TMEM132B: variants seen among roughly 807,000 people sequenced by gnomAD.
The protein encoded by TMEM132B is transmembrane protein 132B.
A neutral mutation model predicts 90.8 loss-of-function variants in TMEM132B; 18 were observed. The observed-to-expected ratio is 0.20, with a 90% CI of 0.14 to 0.29. The LOEUF is 0.29. Ranked by LOEUF, TMEM132B falls within the 10% of genes least tolerant of loss-of-function variation. The pLI is 1.00. For synonymous variants in TMEM132B, 504 were observed against 523.3 expected (o/e 0.96, Z 0.50); for missense variants, 1,096 against 1,326.8 (o/e 0.83, Z 2.70).
chr12:125,417,826 T>C (rs424782), intron 3 of TMEM132B, among the ~76,000 whole-genome samples: 3,395 of 152,308 alleles, frequency 0.022, 129 homozygotes, highest in African/African-American at 0.078. Context: ...CACGTCCCAG[T>C]GCTGGTCACC....
At chr12:125,362,348 T>C (rs896171430) in intron 2 of TMEM132B, among the ~76,000 whole-genome samples, 2 of 152,220 alleles carry the variant, frequency 1.3e-5, no homozygotes, top group South Asian at 4.1e-4. Flanking sequence ...TTGTTTCTTT[T>C]AGGAAGTCTA....
At chr12:125,575,822 T>C (rs769766380) in intron 4 of TMEM132B, among the ~76,000 whole-genome samples, 16 of 152,096 alleles carry the variant, frequency 1.1e-4, no homozygotes, top group Non-Finnish European at 2.4e-4. Flanking sequence ...AAAACTATTC[T>C]TTCACCATTG....
intron 1 of TMEM132B, among the ~76,000 whole-genome samples, chr12:125,267,452 G>A (rs901189087): frequency 7.2e-5 from 11 of 152,186 alleles, no homozygotes; most frequent in African/African-American, 2.4e-4. Flanking sequence ...GGTAATCTCC[G>A]ACCTTGTGTG....
rs542739888 is a variant in TMEM132B at position 125,221,381 on chromosome 12, G to A, written c.67+34515G>A. Among the ~76,000 whole-genome samples, 18 of 152,288 alleles carry A rather than the reference G, an allele frequency of 1.2e-4. No individual in the cohort carries two copies. In the East Asian group the frequency reaches 3.1e-3, roughly 26 times the overall value. On this transcript the variant is annotated intron_variant, in intron 1 of 8. Transcript: ENST00000682704. ...TGCCCCTCGTCTTCAAAAGCTTCCC[G>A]TCTAGTCGGAGAAATGAGTGGTTAT...
At position 125,458,903 on chromosome 12, in the gene TMEM132B, G is replaced by C. The variant is rs1424798171; in HGVS notation, c.1106+43226G>C. ...ATGCTATGACACTCCTGACAGCACA[G>C]ATGTGGCAGTGTGGAATCATGAATG... is the stretch of plus-strand genomic sequence containing the variant. On this transcript the variant is annotated intron_variant, in intron 3 of 8. Coordinates refer to ENST00000682704, the MANE Select transcript of TMEM132B (RefSeq NM_001366854.1). This position sits in a 1 kb window ranked among gnomAD's most constrained non-coding sequence, Gnocchi z 4.9. Among the ~76,000 whole-genome samples the C allele has an allele frequency of 6.6e-6, 1 of 152,334 alleles. No homozygotes were observed. The highest frequency in any genetic ancestry group is 1.9e-4 in the East Asian group (1 of 5,188).
intron 1 of TMEM132B, among the ~76,000 whole-genome samples, chr12:125,250,353 AAG>A (rs1325310696): frequency 6.6e-6 from 1 of 152,220 alleles, no homozygotes; most frequent in Non-Finnish European, 1.5e-5. Flanking sequence ...TCTTGGCAGA[AAG>A]AGTTACCTTG....
chr12:125,512,385 A>C (rs1009789694), intron 3 of TMEM132B, among the ~76,000 whole-genome samples: 2 of 152,198 alleles, frequency 1.3e-5, no homozygotes, highest in African/African-American at 4.8e-5. Flanking sequence ...GTAAAACATG[A>C]TAGTGGGAAT....
chr12:125,380,374 T>C (rs1052789359), intron 2 of TMEM132B, among the ~76,000 whole-genome samples: 2 of 152,182 alleles, frequency 1.3e-5, no homozygotes, highest in African/African-American at 4.8e-5. Flanking sequence ...GATTTCATCT[T>C]GAGATATTTA....
At chr12:125,543,968 A>C (rs1271153796) in intron 4 of TMEM132B, among the ~76,000 whole-genome samples, 3 of 152,232 alleles carry the variant, frequency 2.0e-5, no homozygotes, top group Admixed American at 2.0e-4. Flanking sequence ...TCAATGATAG[A>C]CTGGATTAAA....
At chr12:125,298,985 G>A (rs1479091284) in intron 1 of TMEM132B, among the ~76,000 whole-genome samples, 3 of 151,822 alleles carry the variant, frequency 2.0e-5, no homozygotes, top group Non-Finnish European at 2.9e-5. Context: ...TGCCTGCCTC[G>A]GCCTCCCAAA....
At chr12:125,443,768 A>G (rs1880935842) in intron 3 of TMEM132B, among the ~76,000 whole-genome samples, 1 of 152,218 alleles carries the variant, frequency 6.6e-6, no homozygotes, top group African/African-American at 2.4e-5. Context: ...TAAATAACCC[A>G]TTGAAACTGC....
intron 3 of TMEM132B, among the ~76,000 whole-genome samples, chr12:125,467,464 A>C (rs1881595848): frequency 6.6e-6 from 1 of 151,958 alleles, no homozygotes; most frequent in Admixed American, 6.6e-5. Flanking sequence ...CCTTTGGAAA[A>C]AGAGCAGCAC....
intron 5 of TMEM132B, among the ~76,000 whole-genome samples, chr12:125,600,655 TA>T (rs1885546380): frequency 6.6e-6 from 1 of 152,222 alleles, no homozygotes; most frequent in African/African-American, 2.4e-5. Flanking sequence ...TTGTTCAATG[TA>T]ATAAATCAAA....
At chr12:125,329,956 G>A (rs562940794) in intron 1 of TMEM132B, among the ~76,000 whole-genome samples, 8 of 152,316 alleles carry the variant, frequency 5.3e-5, no homozygotes, top group East Asian at 3.9e-4. Flanking sequence ...TCAGGGTGAC[G>A]GAAGTGGACA....
chr12:125,581,553 T>C (rs896132460), intron 4 of TMEM132B, among the ~76,000 whole-genome samples: 2 of 152,032 alleles, frequency 1.3e-5, no homozygotes, highest in African/African-American at 4.8e-5. Flanking sequence ...TCTGACTGGG[T>C]GTTCTGGGAT....
chr12:125,188,536 A>ACCC (rs1247722118), intron 1 of TMEM132B, among the ~76,000 whole-genome samples: 17 of 60,556 alleles, frequency 2.8e-4, no homozygotes, highest in African/African-American at 3.9e-4. Flanking sequence ...TCCCCCTACC[A>ACCC]CCCCCCCACC....
At chr12:125,544,110 A>G (rs748199857) in intron 4 of TMEM132B, among the ~76,000 whole-genome samples, 1 of 152,164 alleles carries the variant, frequency 6.6e-6, no homozygotes, top group Non-Finnish European at 1.5e-5. Flanking sequence ...CAGAAAACCA[A>G]ACACTGCATG....
In TMEM132B at chr12:125,277,995, G is replaced by C. The variant is rs1344948123; in HGVS notation, c.68-71457G>C. ...TCCTAAAACCAGCCTGCTTCTCCCA[G>C]TTGTGTTTTGTGTCAAGACTCTCTA... On this transcript the variant is annotated intron_variant, in intron 1 of 8. Transcript: ENST00000682704. This position sits in a 1 kb window ranked among gnomAD's most constrained non-coding sequence, Gnocchi z 4.3. 6.6e-6 allele frequency among the ~76,000 whole-genome samples: 1 copy of C among 152,194 alleles called. No individual in the cohort carries two copies. Among genetic ancestry groups the C allele is most frequent in the African/African-American group, 2.4e-5 (1 of 41,442 alleles).
intron 1 of TMEM132B, among the ~76,000 whole-genome samples, chr12:125,280,705 G>A (rs1288804654): frequency 3.3e-5 from 5 of 152,244 alleles, no homozygotes; most frequent in African/African-American, 1.2e-4. Flanking sequence ...CCCAGGCACT[G>A]GGAAGCCAGG....
Sources: allele counts gnomAD v4.1 joint callset (sites outside exome capture counted in the v4.1 genomes callset), GRCh38; gene constraint gnomAD v4.1.1; non-coding constraint Gnocchi (gnomAD v3.1); transcripts MANE v1.5; gene names NCBI Gene and HGNC (gene_info 2026-07-23, HGNC 2026-07-21).